The following HIVEP3 variants were observed in gnomAD, a reference collection of about 807,000 sequenced individuals.
HIVEP3 encodes HIVEP zinc finger 3, also known as transcription factor HIVEP3.
In HIVEP3, 49 loss-of-function variants were observed where a neutral mutation model predicts 152.8. The ratio of observed to expected loss-of-function variants is 0.32; its 90% CI spans 0.26 to 0.41. HIVEP3 has a LOEUF of 0.41. Ranked by LOEUF, HIVEP3 falls within the 10% of genes least tolerant of loss-of-function variation. HIVEP3 has a pLI of 1.00. For synonymous variants in HIVEP3, 1,269 were observed against 1,289.0 expected (o/e 0.98, Z 0.33); for missense variants, 2,790 against 3,103.3 (o/e 0.90, Z 2.40).
intron 5 of HIVEP3, among the ~76,000 whole-genome samples, chr1:41,545,686 TCACCACCATCACCAC>T (rs1292630855): frequency 2.6e-4 from 2 of 7,700 alleles, no homozygotes; most frequent in African/African-American, 5.5e-4. Context: ...ACCACCACCA[TCACCACCATCACCAC>T]CACCACCACC....
At chr1:41,775,561 G>T (rs1039742513) in intron 1 of HIVEP3, among the ~76,000 whole-genome samples, 3 of 152,078 alleles carry the variant, frequency 2.0e-5, no homozygotes, top group African/African-American at 7.2e-5. Context: ...CGCGATCTCG[G>T]CTCACTGCAA....
intron 1 of HIVEP3, among the ~76,000 whole-genome samples, chr1:41,855,029 G>T (rs929720263): frequency 1.0e-5 from 1 of 99,204 alleles, no homozygotes; most frequent in Admixed American, 1.1e-4. Context: ...TACTCATTTG[G>T]GTATATACCC....
chr1:41,759,939 A>T (rs1336215517), intron 1 of HIVEP3, among the ~76,000 whole-genome samples: 1 of 152,212 alleles, frequency 6.6e-6, no homozygotes, highest in East Asian at 1.9e-4. Context: ...TAAGGGCTCT[A>T]CCTGGCCCTA....
At chr1:42,012,114 TC>T (rs1557561405) in intron 1 of HIVEP3, among the ~76,000 whole-genome samples, 2 of 152,196 alleles carry the variant, frequency 1.3e-5, no homozygotes, top group Admixed American at 6.5e-5. Flanking sequence ...CTCTGGTTCC[TC>T]CCTGTCCCTG....
chr1:41,554,074 T>C (rs1643928836), intron 5 of HIVEP3, among the ~76,000 whole-genome samples: 1 of 152,224 alleles, frequency 6.6e-6, no homozygotes, highest in African/African-American at 2.4e-5. Flanking sequence ...TTCTCCTGGA[T>C]AATATCCTGA....
At chr1:41,808,281 C>T (rs571157593) in intron 1 of HIVEP3, among the ~76,000 whole-genome samples, 34 of 152,222 alleles carry the variant, frequency 2.2e-4, no homozygotes, top group Non-Finnish European at 4.1e-4. Context: ...CTGGGTTGCC[C>T]CAAAGACCAC....
At chr1:41,570,504 C>T (rs182811250) in intron 5 of HIVEP3, among the ~76,000 whole-genome samples, 6 of 152,296 alleles carry the variant, frequency 3.9e-5, no homozygotes, top group Admixed American at 6.5e-5. Context: ...TGCCTTGCTT[C>T]CCCTTCACCT....
chr1:41,861,415 A>G (rs913041834), intron 1 of HIVEP3, among the ~76,000 whole-genome samples: 8 of 152,254 alleles, frequency 5.3e-5, no homozygotes, highest in Admixed American at 2.0e-4. Context: ...CGGTAAATCA[A>G]GGCACAAAGA....
chr1:41,540,153 C>G (rs561345359), intron 5 of HIVEP3, among the ~76,000 whole-genome samples: 1 of 152,380 alleles, frequency 6.6e-6, no homozygotes, highest in Admixed American at 6.5e-5. Context: ...AGAGAGGACA[C>G]TGACCAAGGC....
chr1:41,644,543 C>T (rs1178816241), intron 2 of HIVEP3, among the ~76,000 whole-genome samples: 4 of 152,198 alleles, frequency 2.6e-5, no homozygotes, highest in Non-Finnish European at 5.9e-5. Context: ...AACGATGTGT[C>T]TTTCTCTGCT....
rs958667740 is a variant in HIVEP3 at position 41,579,660 on chromosome 1, G to C, written c.5061+77C>G. The C allele has an allele frequency of 5.4e-6, 8 of 1,491,698 alleles. No individual in the cohort carries two copies. In the East Asian group the frequency reaches 1.8e-4, roughly 34 times the overall value. The allele number at this position is 1,491,698 out of a possible 1,614,324, so 92.4% of individuals were successfully genotyped here. On this transcript the variant is annotated intron_variant, in intron 4 of 8. Transcript: ENST00000372583. ...GGCTCTAGTTCTGCAACTGGAACCT[G>C]AGGATACTGTGGCTTTAAAAGCTCG... is the stretch of plus-strand genomic sequence containing the variant.
chr1:41,767,896 T>A (rs1247208887), intron 1 of HIVEP3, among the ~76,000 whole-genome samples: 1 of 152,234 alleles, frequency 6.6e-6, no homozygotes, highest in African/African-American at 2.4e-5. Flanking sequence ...CTGAGTTTGC[T>A]CAGGATTCAT....
chr1:41,514,201 T>G (rs1642536322), intron 7 of HIVEP3, among the ~76,000 whole-genome samples: 1 of 152,272 alleles, frequency 6.6e-6, no homozygotes, highest in African/African-American at 2.4e-5. Context: ...AGTGCTGGCT[T>G]CACCATGGGC....
intron 1 of HIVEP3, among the ~76,000 whole-genome samples, chr1:41,884,363 C>A (rs1377118460): frequency 6.6e-6 from 1 of 152,222 alleles, no homozygotes; most frequent in African/African-American, 2.4e-5. Context: ...GTCCACTTCC[C>A]TGCTCAGCTG....
chr1:41,544,849 C>CCTCTACCACCACCAT (rs1558046312), intron 5 of HIVEP3, among the ~76,000 whole-genome samples: 15 of 84,264 alleles, frequency 1.8e-4, no homozygotes, highest in Admixed American at 4.4e-4. Flanking sequence ...ACCACTACCA[C>CCTCTACCACCACCAT]CACCACCACC....
intron 1 of HIVEP3, among the ~76,000 whole-genome samples, chr1:41,705,034 T>C (rs1360940777): frequency 6.6e-6 from 1 of 152,246 alleles, no homozygotes; most frequent in Non-Finnish European, 1.5e-5. Context: ...CAAGTCCTTC[T>C]ATGTGCCCAG....
chr1:41,594,719 T>G (rs1462252403), intron 3 of HIVEP3, among the ~76,000 whole-genome samples: 1 of 152,252 alleles, frequency 6.6e-6, no homozygotes, highest in African/African-American at 2.4e-5. Context: ...CAGAATTTTT[T>G]TTTGTTTCCA....
chr1:41,965,246 C>T (rs891900255), intron 1 of HIVEP3, among the ~76,000 whole-genome samples: 2 of 152,154 alleles, frequency 1.3e-5, no homozygotes, highest in African/African-American at 4.8e-5. Flanking sequence ...AAACCCCATC[C>T]AAAGGTCAGC....
At chr1:41,739,240 G>A (rs913527122) in intron 1 of HIVEP3, among the ~76,000 whole-genome samples, 7 of 152,234 alleles carry the variant, frequency 4.6e-5, no homozygotes, top group Non-Finnish European at 8.8e-5. Context: ...TGGAGGTCAC[G>A]TGCACAGAGC....
Sources: allele counts gnomAD v4.1 joint callset (sites outside exome capture counted in the v4.1 genomes callset), GRCh38; gene constraint gnomAD v4.1.1; transcripts MANE v1.5; gene names NCBI Gene and HGNC (gene_info 2026-07-23, HGNC 2026-07-21).